Variants in QTMAN observed in about 807,000 individuals in gnomAD.
The protein encoded by QTMAN is tRNA-queuosine alpha-mannosyltransferase.
At chr2:144,065,071 TG>T in the QTMAN span, among the ~76,000 whole-genome samples, 1 of 152,208 alleles carries the variant, frequency 6.6e-6, no homozygotes, top group Admixed American at 6.5e-5. Flanking sequence ...AGGCCAAAGC[TG>T]GGAGCTTATG....
the QTMAN span, among the ~76,000 whole-genome samples, chr2:144,134,032 T>C: frequency 1.3e-5 from 2 of 152,128 alleles, no homozygotes; most frequent in Non-Finnish European, 2.9e-5. Flanking sequence ...ATTAAGGTGT[T>C]TTCCGGCAAC....
At chr2:144,063,865 A>G in the QTMAN span, among the ~76,000 whole-genome samples, 1 of 152,222 alleles carries the variant, frequency 6.6e-6, no homozygotes, top group South Asian at 2.1e-4. Context: ...GGTGTGCCTA[A>G]TGAAAATCAG....
chr2:144,010,597 G>A, the QTMAN span, among the ~76,000 whole-genome samples: 1 of 152,094 alleles, frequency 6.6e-6, no homozygotes, highest in Admixed American at 6.6e-5. Context: ...TACAGGGAAG[G>A]AAGACACTAA....
At chr2:143,998,331 T>C in the QTMAN span, among the ~76,000 whole-genome samples, 1 of 152,190 alleles carries the variant, frequency 6.6e-6, no homozygotes, top group East Asian at 1.9e-4. Flanking sequence ...ATTTTGTTTC[T>C]CTGTTTCTGA....
the QTMAN span, among the ~76,000 whole-genome samples, chr2:143,969,291 A>G: frequency 6.6e-6 from 1 of 152,238 alleles, no homozygotes; most frequent in Admixed American, 6.5e-5. Context: ...TAGATAATGT[A>G]TAATTATATT....
chr2:144,008,732 C>G, the QTMAN span, among the ~76,000 whole-genome samples: 41 of 152,140 alleles, frequency 2.7e-4, 2 homozygotes, highest in East Asian at 4.7e-3. Context: ...AGTAATATCA[C>G]ATTATTGAAA....
chr2:144,225,463 A>C, the QTMAN span, among the ~76,000 whole-genome samples: 1 of 152,214 alleles, frequency 6.6e-6, no homozygotes, highest in South Asian at 2.1e-4. Flanking sequence ...GAAATAAAGA[A>C]AATTATTTAA....
At chr2:144,302,149 C>G in the QTMAN span, among the ~76,000 whole-genome samples, 3 of 152,028 alleles carry the variant, frequency 2.0e-5, no homozygotes, top group Non-Finnish European at 4.4e-5. Context: ...TTAGGGCATA[C>G]AGAAAATATC....
At chr2:144,079,947 A>C in the QTMAN span, among the ~76,000 whole-genome samples, 1 of 152,074 alleles carries the variant, frequency 6.6e-6, no homozygotes, top group Non-Finnish European at 1.5e-5. Flanking sequence ...CTGTTGGCAA[A>C]ATCAATTTAG....
chr2:143,967,680 C>T, the QTMAN span, among the ~76,000 whole-genome samples: 1 of 152,048 alleles, frequency 6.6e-6, no homozygotes, highest in Admixed American at 6.6e-5. Flanking sequence ...GAAATGCATG[C>T]CAGCTAGGTA....
At chr2:144,207,946 G>A in the QTMAN span, among the ~76,000 whole-genome samples, 1 of 151,900 alleles carries the variant, frequency 6.6e-6, no homozygotes, top group African/African-American at 2.4e-5. Context: ...GAACTCCCAG[G>A]CTCAAGCAAT....
the QTMAN span, among the ~76,000 whole-genome samples, chr2:144,168,705 TTTC>T: frequency 9.9e-5 from 15 of 152,138 alleles, no homozygotes; most frequent in South Asian, 1.0e-3. Context: ...GGCTGATTAT[TTTC>T]TTTTTTCTCT....
chr2:144,112,870 C>G, the QTMAN span, among the ~76,000 whole-genome samples: 1 of 152,210 alleles, frequency 6.6e-6, no homozygotes, highest in South Asian at 2.1e-4. Flanking sequence ...GGAGCCAACC[C>G]CTTGACTCTG....
chr2:143,958,223 T>G, the QTMAN span, among the ~76,000 whole-genome samples: 3 of 152,110 alleles, frequency 2.0e-5, no homozygotes, highest in Non-Finnish European at 4.4e-5. Context: ...TAATTTCCAC[T>G]TTCTAAGTAA....
chr2:144,230,557 AG>A, the QTMAN span, among the ~76,000 whole-genome samples: 1 of 152,076 alleles, frequency 6.6e-6, no homozygotes, highest in Non-Finnish European at 1.5e-5. Flanking sequence ...GAAATTTAGA[AG>A]GAAAAAAAAA....
the QTMAN span, among the ~76,000 whole-genome samples, chr2:143,986,527 T>C: frequency 6.6e-6 from 1 of 152,388 alleles, no homozygotes; most frequent in African/African-American, 2.4e-5. Context: ...CATCTATTAC[T>C]ATTTACAGTG....
chr2:144,008,529 T>G, the QTMAN span, among the ~76,000 whole-genome samples: 3 of 152,020 alleles, frequency 2.0e-5, no homozygotes, highest in African/African-American at 7.2e-5. Context: ...CAGGTCTGGA[T>G]GTAAGGTCTA....
At chr2:143,940,339 G>T in the QTMAN span, 2 of 152,210 alleles carry the variant, frequency 1.3e-5, no homozygotes, top group Non-Finnish European at 2.9e-5. Context: ...AGGGTGTGTT[G>T]TAAGTGCAAG....
At chr2:144,280,176 A>T in the QTMAN span, among the ~76,000 whole-genome samples, 1 of 152,232 alleles carries the variant, frequency 6.6e-6, no homozygotes, top group Non-Finnish European at 1.5e-5. Flanking sequence ...ACTGAGCTAC[A>T]AAAGGCCAAG....
Sources: gnomAD v4.1 joint callset for allele counts (sites outside exome capture counted in the v4.1 genomes callset) on GRCh38, gnomAD v4.1.1 for gene constraint, MANE v1.5 for transcripts, NCBI Gene and HGNC (gene_info 2026-07-23, HGNC 2026-07-21) for gene names.